The following RSRC1 variants were observed in gnomAD, a reference collection of about 807,000 sequenced individuals.
RSRC1 encodes arginine and serine rich coiled-coil 1.
Under a neutral mutation model 49.1 loss-of-function variants are expected in RSRC1, and 39 were observed. That is an observed-to-expected ratio of 0.79 (90% CI 0.61 to 1.04). The LOEUF (loss-of-function observed/expected upper bound fraction) is 1.04. RSRC1 is among the 50% of genes least tolerant of loss of function. RSRC1 has a pLI of 0.00. For synonymous variants in RSRC1, 143 were observed against 130.8 expected (o/e 1.09, Z -0.63); for missense variants, 388 against 402.4 (o/e 0.96, Z 0.31).
chr3:158,401,703 T>C (rs1578431023), intron 6 of RSRC1, among the ~76,000 whole-genome samples: 1 of 151,986 alleles, frequency 6.6e-6, no homozygotes, highest in South Asian at 2.1e-4. Context: ...AACCGTGATA[T>C]GTAAGATGTT....
intron 5 of RSRC1, among the ~76,000 whole-genome samples, chr3:158,341,308 C>A (rs1730225575): frequency 6.6e-6 from 1 of 152,036 alleles, no homozygotes; most frequent in East Asian, 1.9e-4. Flanking sequence ...CATCACAGGC[C>A]CAGAGACCCA....
chr3:158,357,271 A>G (rs142259297), intron 6 of RSRC1, among the ~76,000 whole-genome samples: 47 of 152,228 alleles, frequency 3.1e-4, no homozygotes, highest in African/African-American at 1.1e-3. Context: ...GGGTATTAAC[A>G]TTTCAGGTTG....
chr3:158,509,479 A>G (rs1740036924), intron 7 of RSRC1, among the ~76,000 whole-genome samples: 1 of 152,128 alleles, frequency 6.6e-6, no homozygotes, highest in South Asian at 2.1e-4. Context: ...CCACATCTGT[A>G]TATATTACCA....
chr3:158,352,727 C>T (rs770295514), intron 5 of RSRC1, among the ~76,000 whole-genome samples: 4 of 152,058 alleles, frequency 2.6e-5, no homozygotes, highest in Admixed American at 6.6e-5. Context: ...ATTTCGTAAC[C>T]CTGGGCTTGC....
At chr3:158,227,360 C>T (rs1221507123) in intron 4 of RSRC1, among the ~76,000 whole-genome samples, 1 of 151,834 alleles carries the variant, frequency 6.6e-6, no homozygotes, top group East Asian at 1.9e-4. Context: ...TTCTTTCCGC[C>T]GATTTTCTTC....
intron 7 of RSRC1, among the ~76,000 whole-genome samples, chr3:158,488,960 G>T (rs2108445323): frequency 6.6e-6 from 1 of 152,280 alleles, no homozygotes; most frequent in African/African-American, 2.4e-5. Context: ...ACTGCCTAAG[G>T]TCATGCTTTA....
At chr3:158,502,551 G>C (rs1739653677) in intron 7 of RSRC1, among the ~76,000 whole-genome samples, 1 of 152,064 alleles carries the variant, frequency 6.6e-6, no homozygotes. Flanking sequence ...TGGAGGCTTT[G>C]TTCTTTTTTC....
rs535638577 is a variant in RSRC1, at chr3:158,383,059, A to T, written c.583+28151A>T. Among the ~76,000 whole-genome samples, 47 of 152,300 alleles carry T rather than the reference A, an allele frequency of 3.1e-4. No homozygotes were observed. The South Asian group carries it at 4.8e-3, about 15-fold the overall frequency. ...AAATAGTAGAAAGTGCTTAAATTTG[A>T]CCTACTAATTTCTGACAAGGAAGAC... On this transcript the variant is annotated intron_variant, in intron 6 of 9. Transcript: ENST00000611884.
chr3:158,158,277 G>T (rs1718000507), intron 3 of RSRC1, among the ~76,000 whole-genome samples: 1 of 152,046 alleles, frequency 6.6e-6, no homozygotes, highest in African/African-American at 2.4e-5. Context: ...TTCAAACATG[G>T]ATGGAAAACA....
Position 158,138,221 on chromosome 3 carries a change from G to T in RSRC1, c.320+14230G>T, listed in dbSNP as rs78915883. ...AAGTTTCCATGTTGTGCAGAGAGGG[G>T]CTATGACCTCAAATCAGCTGAGTGG... On this transcript the variant is annotated intron_variant, in intron 3 of 9. Coordinates refer to ENST00000611884, the MANE Select transcript of RSRC1 (RefSeq NM_001271838.2). 4.2e-3 allele frequency among the ~76,000 whole-genome samples: 645 copies of T among 152,266 alleles called. 4 individuals carry two copies. Among genetic ancestry groups the T allele is most frequent in the African/African-American group, 0.015 (620 of 41,546 alleles).
intron 3 of RSRC1, among the ~76,000 whole-genome samples, chr3:158,150,514 T>A (rs1043163029): frequency 6.6e-6 from 1 of 152,210 alleles, no homozygotes; most frequent in African/African-American, 2.4e-5. Context: ...AGATCTTCAT[T>A]TAATAAGCTG....
intron 4 of RSRC1, among the ~76,000 whole-genome samples, chr3:158,240,386 T>C (rs1182622368): frequency 2.6e-5 from 4 of 152,136 alleles, no homozygotes; most frequent in African/African-American, 9.6e-5. Context: ...TCTATATCAA[T>C]TGAAATTTTT....
intron 5 of RSRC1, among the ~76,000 whole-genome samples, chr3:158,348,242 CA>C (rs779553353): frequency 2.7e-4 from 41 of 152,048 alleles, no homozygotes; most frequent in Non-Finnish European, 4.0e-4. Context: ...TAGTGGTGGC[CA>C]GGGGTTTAGG....
At chr3:158,171,954 C>T (rs1046096345) in intron 3 of RSRC1, among the ~76,000 whole-genome samples, 1 of 129,934 alleles carries the variant, frequency 7.7e-6, no homozygotes, top group African/African-American at 4.7e-5. Context: ...TGTGTCGCTT[C>T]AACAACAACA....
At chr3:158,144,512 G>A (rs554015523) in intron 3 of RSRC1, among the ~76,000 whole-genome samples, 6 of 152,216 alleles carry the variant, frequency 3.9e-5, no homozygotes, top group African/African-American at 9.6e-5. Flanking sequence ...TATGTGCCAC[G>A]TTTTCTTAAT....
At chr3:158,243,065 T>A (rs1723682674) in intron 4 of RSRC1, among the ~76,000 whole-genome samples, 1 of 152,254 alleles carries the variant, frequency 6.6e-6, no homozygotes, top group Non-Finnish European at 1.5e-5. Context: ...AGATTCCCTA[T>A]GTCAATTTTT....
At chr3:158,514,964 T>G (rs1399018661) in intron 7 of RSRC1, among the ~76,000 whole-genome samples, 5 of 152,026 alleles carry the variant, frequency 3.3e-5, no homozygotes, top group East Asian at 1.9e-4. Context: ...GTTTTCCATT[T>G]GCTTGGTAGA....
chr3:158,256,474 G>T (rs1216861350), intron 4 of RSRC1, among the ~76,000 whole-genome samples: 1 of 152,182 alleles, frequency 6.6e-6, no homozygotes, highest in Non-Finnish European at 1.5e-5. Flanking sequence ...GTATTTTATT[G>T]AGGATTTTTG....
intron 7 of RSRC1, among the ~76,000 whole-genome samples, chr3:158,525,872 G>T (rs972300686): frequency 6.6e-6 from 1 of 151,868 alleles, no homozygotes; most frequent in Non-Finnish European, 1.5e-5. Context: ...GTGGTTGTCT[G>T]GGGGTCAGGG....
Sources: gnomAD v4.1 joint callset for allele counts (sites outside exome capture counted in the v4.1 genomes callset) on GRCh38, gnomAD v4.1.1 for gene constraint, MANE v1.5 for transcripts, NCBI Gene and HGNC (gene_info 2026-07-23, HGNC 2026-07-21) for gene names.